Variants in DPH6 observed in about 807,000 individuals in gnomAD.
DPH6 encodes diphthine--ammonia ligase.
DPH6 carries 33 observed loss-of-function variants against 38.2 expected under a neutral mutation model. That is an observed-to-expected ratio of 0.86 (90% CI 0.65 to 1.15). DPH6 has a LOEUF of 1.15. Among genes scored for constraint, DPH6 ranks in the 50% most tolerant of loss-of-function variants. DPH6 has a pLI of 0.00. For missense variants in DPH6, 325 were observed against 320.0 expected, an observed-to-expected ratio of 1.02 and a Z score of -0.12; for synonymous variants, 108 against 103.0, an observed-to-expected ratio of 1.05 and a Z score of -0.30.
At chr15:35,279,048 C>CAAAAAAAAAAA (rs71123126) in intron 3 of DPH6, among the ~76,000 whole-genome samples, 3 of 70,688 alleles carry the variant, frequency 4.2e-5, no homozygotes, top group African/African-American at 2.0e-4. Flanking sequence ...GACTCTGTCT[C>CAAAAAAAAAAA]AAAAAAAAAA....
the DPH6 span, among the ~76,000 whole-genome samples, chr15:35,210,019 A>G: frequency 1.9e-4 from 29 of 152,304 alleles, no homozygotes; most frequent in Middle Eastern, 3.4e-3. Context: ...GTGAGCCATG[A>G]AAGTGTGCTG....
intron 3 of DPH6, among the ~76,000 whole-genome samples, chr15:35,460,779 CTG>C (rs2054055835): frequency 6.6e-6 from 1 of 152,066 alleles, no homozygotes; most frequent in Non-Finnish European, 1.5e-5. Flanking sequence ...TCTCCAATCT[CTG>C]TCAATATGAA....
rs148672596 is a variant in DPH6, at chr15:35,466,108, G to A, written c.313-11288C>T. Among the ~76,000 whole-genome samples, 375 of 152,224 alleles carry A rather than the reference G, an allele frequency of 2.5e-3. 3 individuals are homozygous for A. Among genetic ancestry groups the A allele is most frequent in the East Asian group, 0.013 (69 of 5,172 alleles). ...CCCAGCTACTCTGGAGGCTGTGGTGGTAGGACTGCCTGAGCCTGGGAGACT... is the reference window on the plus strand; with the variant it reads ...CCCAGCTACTCTGGAGGCTGTGGTGATAGGACTGCCTGAGCCTGGGAGACT... On this transcript the variant is annotated intron_variant, in intron 3 of 8. Transcript: ENST00000256538.
intron 3 of DPH6, chr15:35,519,929 G>C (rs1175870116): frequency 6.6e-6 from 1 of 151,908 alleles, no homozygotes; most frequent in Non-Finnish European, 1.5e-5. Flanking sequence ...CTGTCAAATA[G>C]AGAAGACTGC....
Position 35,371,964 on chromosome 15 carries a change from T to C in DPH6, c.*186A>G. 7.7e-7 allele frequency: 1 copy of C among 1,297,882 alleles called. No homozygotes were observed. Among genetic ancestry groups the C allele is most frequent in the Non-Finnish European group, 9.8e-7 (1 of 1,019,536 alleles). 80.4% of individuals were successfully genotyped at this position (1,297,882 alleles called of 1,614,324 possible). A position where few individuals can be genotyped will look rare whatever the true frequency, so the allele number is the denominator to read the frequency against. ...ATTCCAAGAAAGTTGGCACTATTAA[T>C]GAACATGCCGTCGACATTTTCCCAA... On this transcript the variant is annotated 3_prime_UTR_variant, in exon 9 of 9. Coordinates refer to ENST00000256538, the MANE Select transcript of DPH6 (RefSeq NM_080650.4).
intron 3 of DPH6, among the ~76,000 whole-genome samples, chr15:35,299,596 T>C (rs1326183938): frequency 6.6e-6 from 1 of 152,154 alleles, no homozygotes; most frequent in African/African-American, 2.4e-5. Flanking sequence ...CGCGGGCTGC[T>C]GGGAGAGCGC....
downstream of DPH6, among the ~76,000 whole-genome samples, chr15:35,370,580 A>G (rs1315728001): frequency 6.6e-6 from 1 of 151,834 alleles, no homozygotes; most frequent in African/African-American, 2.4e-5. Context: ...CAAACATGAA[A>G]AGATGTTCAA....
chr15:35,440,409 G>A (rs1435205090), intron 5 of DPH6, among the ~76,000 whole-genome samples: 1 of 152,094 alleles, frequency 6.6e-6, no homozygotes, highest in African/African-American at 2.4e-5. Flanking sequence ...TAATAACCAG[G>A]TTTGTCTCCT....
rs1244468652 is a variant in DPH6, at chr15:35,436,506, A to AAAAAACAAAAAAAC, written c.505+14178_505+14179insGTTTTTTTGTTTTT. Among the ~76,000 whole-genome samples the AAAAAACAAAAAAAC allele has an allele frequency of 1.7e-4, 18 of 103,300 alleles. 2 individuals carry two copies. Among genetic ancestry groups the AAAAAACAAAAAAAC allele is most frequent in the Admixed American group, 4.7e-4 (5 of 10,666 alleles). 67.8% of individuals were successfully genotyped at this position (103,300 alleles called of 152,430 possible). A position where few individuals can be genotyped will look rare whatever the true frequency, so the allele number is the denominator to read the frequency against. On this transcript the variant is annotated intron_variant, in intron 5 of 8. Coordinates refer to ENST00000256538, the MANE Select transcript of DPH6 (RefSeq NM_080650.4). ...AAACAAAACAAAACAAAACAAAACA[A>AAAAAACAAAAAAAC]AACAAAACAAAAAAGGTTCTCTCCC...
chr15:35,526,844 C>T (rs1360692360), intron 3 of DPH6, among the ~76,000 whole-genome samples: 1 of 151,974 alleles, frequency 6.6e-6, no homozygotes, highest in Non-Finnish European at 1.5e-5. Context: ...TTAGGTTAAC[C>T]CTCTTTATCT....
At chr15:35,293,687 G>C (rs1246499246) in intron 3 of DPH6, among the ~76,000 whole-genome samples, 2 of 152,154 alleles carry the variant, frequency 1.3e-5, no homozygotes, top group Non-Finnish European at 2.9e-5. Flanking sequence ...TCTAGCAAGG[G>C]GGAAAAATTG....
At chr15:35,159,795 A>T in the DPH6 span, among the ~76,000 whole-genome samples, 2 of 152,066 alleles carry the variant, frequency 1.3e-5, no homozygotes, top group African/African-American at 4.8e-5. Flanking sequence ...AAAAACATAG[A>T]TTCAACCTGG....
chr15:35,170,860 C>T, the DPH6 span, among the ~76,000 whole-genome samples: 1 of 152,218 alleles, frequency 6.6e-6, no homozygotes, highest in African/African-American at 2.4e-5. Flanking sequence ...TTCTCTCTCT[C>T]TGATGAGCAC....
chr15:35,347,128 C>T (rs2052468481), intron 3 of DPH6, among the ~76,000 whole-genome samples: 1 of 152,044 alleles, frequency 6.6e-6, no homozygotes, highest in Non-Finnish European at 1.5e-5. Flanking sequence ...AACTCTAAAC[C>T]CATTGAACTC....
intron 3 of DPH6, among the ~76,000 whole-genome samples, chr15:35,516,103 A>G (rs1301843452): frequency 6.6e-6 from 1 of 152,200 alleles, no homozygotes; most frequent in East Asian, 1.9e-4. Context: ...TTGAGATCAT[A>G]TTCATCACTG....
At chr15:35,531,138 A>G (rs1595447558) in intron 3 of DPH6, among the ~76,000 whole-genome samples, 1 of 152,304 alleles carries the variant, frequency 6.6e-6, no homozygotes, top group East Asian at 1.9e-4. Flanking sequence ...TTTGCCTCAG[A>G]GCCACCCAAC....
intron 1 of DPH6, among the ~76,000 whole-genome samples, chr15:35,544,501 T>TA (rs912392714): frequency 2.3e-4 from 35 of 149,056 alleles, no homozygotes; most frequent in Middle Eastern, 3.4e-3. Flanking sequence ...TAAAGTATAA[T>TA]AAAAAAAAAA....
chr15:35,368,222 T>G (rs2052677693), downstream of DPH6, among the ~76,000 whole-genome samples: 1 of 151,660 alleles, frequency 6.6e-6, no homozygotes, highest in Non-Finnish European at 1.5e-5. Flanking sequence ...ATTAAGTAGT[T>G]AAAAAGAGAA....
intron 3 of DPH6, among the ~76,000 whole-genome samples, chr15:35,245,893 T>C (rs1026024863): frequency 5.3e-5 from 8 of 152,310 alleles, no homozygotes; most frequent in Admixed American, 4.6e-4. Context: ...GACAGGTAAG[T>C]GTCAGGCCTC....
Sources: allele counts gnomAD v4.1 joint callset (sites outside exome capture counted in the v4.1 genomes callset), GRCh38; gene constraint gnomAD v4.1.1; transcripts MANE v1.5; gene names NCBI Gene and HGNC (gene_info 2026-07-23, HGNC 2026-07-21).